The following PID1 variants were observed in gnomAD, a reference collection of about 807,000 sequenced individuals.
PID1 encodes the protein phosphotyrosine interaction domain containing 1.
A neutral mutation model predicts 19.1 loss-of-function variants in PID1; 10 were observed. The ratio of observed to expected loss-of-function variants is 0.52; its 90% CI spans 0.32 to 0.89. PID1 has a LOEUF of 0.89. PID1 is among the 40% of genes least tolerant of loss of function. The pLI is 0.03. For synonymous variants in PID1, 130 were observed against 116.0 expected (o/e 1.12, Z -0.78); for missense variants, 248 against 285.3 (o/e 0.87, Z 0.94).
intron 2 of PID1, among the ~76,000 whole-genome samples, chr2:229,068,148 C>T (rs1440668336): frequency 6.6e-6 from 1 of 152,184 alleles, no homozygotes; most frequent in African/African-American, 2.4e-5. Context: ...CTGCAATGAG[C>T]TCCATGTAAT....
intron 2 of PID1, among the ~76,000 whole-genome samples, chr2:229,122,812 A>G (rs1695548894): frequency 6.6e-6 from 1 of 152,142 alleles, no homozygotes; most frequent in East Asian, 1.9e-4. Flanking sequence ...GTGGTGTGGA[A>G]TGGAGGCAGG....
At chr2:229,028,719 A>G (rs1479896395) in intron 2 of PID1, among the ~76,000 whole-genome samples, 1 of 152,210 alleles carries the variant, frequency 6.6e-6, no homozygotes, top group Non-Finnish European at 1.5e-5. Flanking sequence ...TTGCGACAAC[A>G]TGGACATAGC....
intron 2 of PID1, among the ~76,000 whole-genome samples, chr2:229,114,454 A>G (rs531306698): frequency 5.6e-4 from 85 of 152,252 alleles, no homozygotes; most frequent in African/African-American, 2.0e-3. Context: ...GCCCTGTAAT[A>G]CAAGAAGTAC....
chr2:229,182,257 CCCTCTGGT>C (rs78424332), intron 1 of PID1, among the ~76,000 whole-genome samples: 14,815 of 152,002 alleles, frequency 0.097, 930 homozygotes, highest in South Asian at 0.25. Flanking sequence ...ACAAATGTGC[CCCTCTGGT>C]CCTCTGGTGA....
chr2:229,180,333 GC>G (rs1479205681), intron 1 of PID1, among the ~76,000 whole-genome samples: 1 of 152,118 alleles, frequency 6.6e-6, no homozygotes, highest in East Asian at 1.9e-4. Context: ...ATATCTGTAT[GC>G]GCATAGAAGA....
chr2:229,145,936 C>T (rs889446191), intron 2 of PID1, among the ~76,000 whole-genome samples: 4 of 152,108 alleles, frequency 2.6e-5, no homozygotes, highest in Non-Finnish European at 4.4e-5. Context: ...GAGTAAGATG[C>T]TACCTTTACA....
intron 2 of PID1, among the ~76,000 whole-genome samples, chr2:229,152,722 A>G (rs1412157942): frequency 2.0e-5 from 3 of 152,010 alleles, no homozygotes; most frequent in African/African-American, 4.8e-5. Context: ...CCGAAACATG[A>G]ATAGCCTAGC....
chr2:229,074,887 T>C (rs999731982), intron 2 of PID1, among the ~76,000 whole-genome samples: 4 of 152,242 alleles, frequency 2.6e-5, no homozygotes, highest in Non-Finnish European at 5.9e-5. Context: ...ACAAAACTAG[T>C]TCGACCAATA....
At chr2:229,066,847 A>G (rs1282130263) in intron 2 of PID1, among the ~76,000 whole-genome samples, 2 of 152,142 alleles carry the variant, frequency 1.3e-5, no homozygotes, top group East Asian at 3.9e-4. Flanking sequence ...TGGCCGATCC[A>G]CTCATACGAG....
At chr2:229,163,674 T>TGTGTGTGTGTGC (rs374622113) in intron 1 of PID1, among the ~76,000 whole-genome samples, 12 of 94,488 alleles carry the variant, frequency 1.3e-4, no homozygotes, top group African/African-American at 3.4e-4. Context: ...TGTGTGTGTG[T>TGTGTGTGTGTGC]GCGTGTGCGT....
chr2:229,125,460 A>G (rs1009339125), intron 2 of PID1, among the ~76,000 whole-genome samples: 3 of 152,132 alleles, frequency 2.0e-5, no homozygotes, highest in African/African-American at 7.2e-5. Context: ...CAACATACTT[A>G]AAAGTTCTTC....
chr2:229,093,812 T>C (rs1574623287), intron 2 of PID1, among the ~76,000 whole-genome samples: 1 of 151,158 alleles, frequency 6.6e-6, no homozygotes, highest in East Asian at 1.9e-4. Context: ...TACCTCGAAA[T>C]AATAAATGTC....
intron 2 of PID1, among the ~76,000 whole-genome samples, chr2:229,087,351 G>A (rs1694789174): frequency 6.6e-6 from 1 of 152,122 alleles, no homozygotes; most frequent in Non-Finnish European, 1.5e-5. Context: ...GAGTACTTGT[G>A]GGATTCCAGT....
chr2:229,069,143 T>TGTGTGTGTGTG (rs1553559154), intron 2 of PID1, among the ~76,000 whole-genome samples: 2,328 of 140,670 alleles, frequency 0.017, 38 homozygotes, highest in Non-Finnish European at 0.022. Flanking sequence ...AGAAGGGTTT[T>TGTGTGTGTGTG]TGTGTGTGTG....
At chr2:229,052,085 T>C (rs914773322) in intron 2 of PID1, among the ~76,000 whole-genome samples, 3 of 152,156 alleles carry the variant, frequency 2.0e-5, no homozygotes, top group Non-Finnish European at 2.9e-5. Flanking sequence ...CCAGGGGACA[T>C]TGGATAGTTG....
At chr2:229,205,277 A>C (rs1393245346) in intron 1 of PID1, among the ~76,000 whole-genome samples, 6 of 151,868 alleles carry the variant, frequency 4.0e-5, no homozygotes, top group Non-Finnish European at 7.4e-5. Flanking sequence ...ACACAAACAC[A>C]CACATACTAT....
intron 2 of PID1, among the ~76,000 whole-genome samples, chr2:229,040,736 T>C (rs568505475): frequency 3.3e-5 from 5 of 152,288 alleles, no homozygotes; most frequent in Admixed American, 3.3e-4. Context: ...ATTTGGACAA[T>C]ATTCCCTCTG....
At chr2:229,167,153 A>C (rs1690615602) in intron 1 of PID1, among the ~76,000 whole-genome samples, 1 of 152,158 alleles carries the variant, frequency 6.6e-6, no homozygotes, top group Admixed American at 6.5e-5. Flanking sequence ...ATCAAAATCT[A>C]AAGTTACCAT....
chr2:229,116,940 C>T (rs1695422038), intron 2 of PID1, among the ~76,000 whole-genome samples: 1 of 152,098 alleles, frequency 6.6e-6, no homozygotes, highest in South Asian at 2.1e-4. Context: ...CAGTGATGAC[C>T]TCCTGTAATG....
Sources: allele counts gnomAD v4.1 joint callset (sites outside exome capture counted in the v4.1 genomes callset), GRCh38; gene constraint gnomAD v4.1.1; transcripts MANE v1.5; gene names NCBI Gene and HGNC (gene_info 2026-07-23, HGNC 2026-07-21).